Variants in CACNA1C observed in about 807,000 individuals in gnomAD.
CACNA1C encodes the protein calcium voltage-gated channel subunit alpha1 C, also known as voltage-dependent L-type calcium channel subunit alpha-1C.
Under a neutral mutation model 229.0 loss-of-function variants are expected in CACNA1C, and 30 were observed. The observed-to-expected ratio is 0.13, with a 90% confidence interval of 0.10 to 0.18. The LOEUF (loss-of-function observed/expected upper bound fraction) is 0.18, where lower values mean the gene tolerates loss of function less well. Ranked by LOEUF, CACNA1C falls within the 10% of genes least tolerant of loss-of-function variation. The pLI, the probability that CACNA1C is intolerant of heterozygous loss-of-function variation, is 1.00. For missense variants in CACNA1C, 1,658 were observed against 2,845.0 expected (o/e 0.58, Z 9.49); for synonymous variants, 1,114 against 1,132.5 (o/e 0.98, Z 0.33).
At chr12:2,373,586 G>T (rs749242730) in intron 3 of CACNA1C, among the ~76,000 whole-genome samples, 1 of 152,166 alleles carries the variant, frequency 6.6e-6, no homozygotes, top group African/African-American at 2.4e-5. Context: ...GGAGTTTGGC[G>T]TGGATTCAGG....
chr12:2,084,637 G>A (rs1481227012), intron 1 of CACNA1C, among the ~76,000 whole-genome samples: 2 of 152,176 alleles, frequency 1.3e-5, no homozygotes, highest in African/African-American at 2.4e-5. Context: ...CTTCAGCTGT[G>A]TGCCGACTTG....
chr12:2,501,432 GA>G, intron 7 of CACNA1C, among the ~76,000 whole-genome samples: 2 of 152,248 alleles, frequency 1.3e-5, no homozygotes, highest in South Asian at 4.1e-4. Context: ...CCCTGTATCA[GA>G]GAGTCCGATA....
intron 1 of CACNA1C, among the ~76,000 whole-genome samples, chr12:2,062,955 G>C (rs183047017): frequency 1.9e-3 from 292 of 152,016 alleles, no homozygotes; most frequent in African/African-American, 6.6e-3. Context: ...GGTATAATTC[G>C]CATACCGTAA....
intron 3 of CACNA1C, among the ~76,000 whole-genome samples, chr12:2,251,169 G>A (rs563561939): frequency 6.6e-6 from 1 of 152,268 alleles, no homozygotes; most frequent in East Asian, 1.9e-4. Flanking sequence ...CGTTGCTGAG[G>A]GCTTCTGAAG....
At chr12:2,318,181 G>A (rs1375120567) in intron 3 of CACNA1C, among the ~76,000 whole-genome samples, 1 of 152,226 alleles carries the variant, frequency 6.6e-6, no homozygotes, top group Non-Finnish European at 1.5e-5. Context: ...AAAAATTCGT[G>A]AGGCATTTAA....
chr12:2,677,602 C>A lies in CACNA1C; in HGVS notation c.4957-131C>A. ...CCCAGTTCACACACACACAAACCTT[C>A]CGGAGGGTCGACTGGCTGGGTGGAG... On this transcript the variant is annotated intron_variant, in intron 40 of 46. Coordinates refer to ENST00000399655, the MANE Select transcript of CACNA1C (RefSeq NM_000719.7). The surrounding 1 kb of genome is among the most constrained non-coding windows in gnomAD (Gnocchi z 7.4). The A allele has an allele frequency of 1.9e-6, 2 of 1,045,448 alleles. No homozygotes were observed. Among genetic ancestry groups the A allele is most frequent in the Non-Finnish European group, 2.8e-6 (2 of 707,028 alleles). 64.8% of individuals were successfully genotyped at this position (1,045,448 alleles called of 1,614,324 possible).
At chr12:2,549,686 G>T (rs2099893243) in intron 9 of CACNA1C, among the ~76,000 whole-genome samples, 1 of 152,186 alleles carries the variant, frequency 6.6e-6, no homozygotes, top group Non-Finnish European at 1.5e-5. Flanking sequence ...TGTCCTATGA[G>T]GTAAAATGCT....
intron 3 of CACNA1C, among the ~76,000 whole-genome samples, chr12:2,183,692 G>T (rs1281511816): frequency 6.6e-6 from 1 of 152,236 alleles, no homozygotes; most frequent in African/African-American, 2.4e-5. Context: ...CTTGGTAGGC[G>T]AAAGGCCCCA....
At chr12:2,497,635 T>C (rs1186928481) in intron 7 of CACNA1C, among the ~76,000 whole-genome samples, 1 of 152,176 alleles carries the variant, frequency 6.6e-6, no homozygotes, top group Non-Finnish European at 1.5e-5. Flanking sequence ...TCCCATCCTA[T>C]TGGGACCACC....
chr12:2,329,612 T>A (rs2096472857), intron 3 of CACNA1C, among the ~76,000 whole-genome samples: 1 of 152,214 alleles, frequency 6.6e-6, no homozygotes. Flanking sequence ...ATAATAATAA[T>A]TCTTGATTTT....
intron 5 of CACNA1C, among the ~76,000 whole-genome samples, chr12:2,469,574 C>G (rs538601398): frequency 6.6e-6 from 1 of 152,150 alleles, no homozygotes; most frequent in Non-Finnish European, 1.5e-5. Flanking sequence ...GCTTCCAGTT[C>G]TAAGCTGGGA....
chr12:2,423,545 G>A (rs952063690), intron 3 of CACNA1C, among the ~76,000 whole-genome samples: 4 of 152,156 alleles, frequency 2.6e-5, no homozygotes, highest in African/African-American at 9.7e-5. Context: ...ACACTGGTTG[G>A]AATATAGAAC....
intron 3 of CACNA1C, among the ~76,000 whole-genome samples, chr12:2,179,752 C>G (rs1566180569): frequency 6.6e-6 from 1 of 152,186 alleles, no homozygotes; most frequent in African/African-American, 2.4e-5. Context: ...ATAATGACCA[C>G]AAATGAGTAT....
At chr12:2,515,808 A>G (rs1271104149) in intron 9 of CACNA1C, among the ~76,000 whole-genome samples, 1 of 152,214 alleles carries the variant, frequency 6.6e-6, no homozygotes, top group South Asian at 2.1e-4. Context: ...GAAAGCGTGC[A>G]GTTGGGGACA....
intron 1 of CACNA1C, among the ~76,000 whole-genome samples, chr12:2,113,446 T>G (rs982577706): frequency 2.6e-5 from 4 of 152,112 alleles, no homozygotes; most frequent in Admixed American, 2.6e-4. Context: ...CATCTGTGTC[T>G]TAACAGGTGA....
At chr12:2,111,805 A>G (rs1458592110) in intron 1 of CACNA1C, among the ~76,000 whole-genome samples, 1 of 152,218 alleles carries the variant, frequency 6.6e-6, no homozygotes, top group Non-Finnish European at 1.5e-5. Context: ...CCAGAGAAGC[A>G]GGAGTTGCTC....
chr12:2,367,757 G>T (rs2097761582), intron 3 of CACNA1C, among the ~76,000 whole-genome samples: 1 of 152,042 alleles, frequency 6.6e-6, no homozygotes, highest in South Asian at 2.1e-4. Context: ...TAGCATAAGA[G>T]AATGAATGCT....
intron 3 of CACNA1C, among the ~76,000 whole-genome samples, chr12:2,123,375 C>A (rs1209369631): frequency 7.6e-3 from 553 of 72,674 alleles, no homozygotes; most frequent in South Asian, 0.013. Flanking sequence ...GACTCCATCT[C>A]AAAAAAAAAA....
Position 2,486,010 on chromosome 12 carries a change from TC to T in CACNA1C, c.758-92del. The stretch of plus-strand genomic sequence containing the variant: ...TCATCTAAACAACAGGGCTGGCAGT[TC>T]CTTCCTTGCAGAGTTGCTGGAAGAT... On this transcript the variant is annotated intron_variant, in intron 5 of 46. Transcript: ENST00000399655. The surrounding 1 kb of genome is among the most constrained non-coding windows in gnomAD (Gnocchi z 4.9). The T allele has an allele frequency of 1.9e-6, 2 of 1,026,016 alleles. No homozygotes were observed. Among genetic ancestry groups the T allele is most frequent in the Non-Finnish European group, 1.4e-6 (1 of 722,910 alleles). The allele number at this position is 1,026,016 out of a possible 1,614,324, so 63.6% of individuals were successfully genotyped here. A position where few individuals can be genotyped will look rare whatever the true frequency, so the allele number is the denominator to read the frequency against.
Sources: allele counts gnomAD v4.1 joint callset (sites outside exome capture counted in the v4.1 genomes callset), GRCh38; gene constraint gnomAD v4.1.1; non-coding constraint Gnocchi (gnomAD v3.1); transcripts MANE v1.5; gene names NCBI Gene and HGNC (gene_info 2026-07-23, HGNC 2026-07-21).